The following GATAD2A variants were observed in gnomAD, a reference collection of about 807,000 sequenced individuals.
The protein encoded by GATAD2A is transcriptional repressor p66-alpha.
Under a neutral mutation model 68.5 loss-of-function variants are expected in GATAD2A, and 12 were observed. The ratio of observed to expected loss-of-function variants is 0.18; its 90% CI spans 0.11 to 0.28. The LOEUF (loss-of-function observed/expected upper bound fraction) is 0.28. Among genes scored for constraint, GATAD2A ranks in the 10% least tolerant of loss-of-function variants. The pLI is 1.00. For synonymous variants in GATAD2A, 410 were observed against 375.3 expected (o/e 1.09, Z -1.07); for missense variants, 755 against 868.5 (o/e 0.87, Z 1.64).
chr19:19,448,903 C>T (rs1055583330), intron 1 of GATAD2A, among the ~76,000 whole-genome samples: 6 of 152,034 alleles, frequency 3.9e-5, no homozygotes, highest in African/African-American at 1.5e-4. Flanking sequence ...CTCGTGTTAC[C>T]CGGAAGGGCC....
At chr19:19,491,069 A>G (rs2059761566) in intron 2 of GATAD2A, among the ~76,000 whole-genome samples, 1 of 152,244 alleles carries the variant, frequency 6.6e-6, no homozygotes, top group African/African-American at 2.4e-5. Flanking sequence ...CATACATCCT[A>G]GAGGATCGTT....
At chr19:19,454,380 C>G (rs1468829575) in intron 1 of GATAD2A, among the ~76,000 whole-genome samples, 1 of 151,374 alleles carries the variant, frequency 6.6e-6, no homozygotes, top group African/African-American at 2.4e-5. Flanking sequence ...GGTGGATCAC[C>G]TGAGCTCAGG....
At chr19:19,444,986 T>A (rs145949650) in intron 1 of GATAD2A, among the ~76,000 whole-genome samples, 1 of 152,176 alleles carries the variant, frequency 6.6e-6, no homozygotes, top group East Asian at 1.9e-4. Context: ...GTAACTCTTG[T>A]GATTCCAGCC....
intron 1 of GATAD2A, among the ~76,000 whole-genome samples, chr19:19,399,196 C>T (rs962016650): frequency 6.6e-6 from 1 of 152,158 alleles, no homozygotes; most frequent in Non-Finnish European, 1.5e-5. Context: ...CACACTCCAG[C>T]CTGGATGACA....
chr19:19,434,354 T>TG (rs904140531), intron 1 of GATAD2A, among the ~76,000 whole-genome samples: 1 of 152,122 alleles, frequency 6.6e-6, no homozygotes, highest in Non-Finnish European at 1.5e-5. Context: ...TCAGCTTGAA[T>TG]GGGGCTAAAA....
At chr19:19,390,525 T>C (rs116243414) in intron 1 of GATAD2A, among the ~76,000 whole-genome samples, 489 of 152,312 alleles carry the variant, frequency 3.2e-3, no homozygotes, top group African/African-American at 0.011. Flanking sequence ...TGTGTTCTGA[T>C]ACCAGATGTG....
chr19:19,492,241 C>T, intron 2 of GATAD2A, 65 bp from the exon 3 acceptor site: 1 of 1,525,574 alleles, frequency 6.6e-7, no homozygotes, highest in Non-Finnish European at 8.9e-7. Context: ...GCCATGTGTC[C>T]ACAGGGGTGG....
rs148844413 is a variant in GATAD2A at position 19,389,811 on chromosome 19, G to T, written c.-7+3673G>T. ...AGGGTCTCACTTTGTCACTCAGGCG[G>T]GAGTGCAGTGGTGCGATCTCGGCTC... On this transcript the variant is annotated intron_variant, in intron 1 of 11. Coordinates refer to the GATAD2A transcript ENST00000360315. 3.5e-3 allele frequency among the ~76,000 whole-genome samples: 530 copies of T among 152,250 alleles called. 5 individuals are homozygous for T. The highest frequency in any genetic ancestry group is 6.8e-3 in the Middle Eastern group (2 of 294).
intron 1 of GATAD2A, among the ~76,000 whole-genome samples, chr19:19,425,101 C>T (rs2052918067): frequency 6.6e-6 from 1 of 150,948 alleles, no homozygotes. Context: ...AGAAAACTTG[C>T]CATAAGAATA....
At chr19:19,482,590 A>G (rs2059132513) in intron 2 of GATAD2A, among the ~76,000 whole-genome samples, 1 of 152,050 alleles carries the variant, frequency 6.6e-6, no homozygotes, top group African/African-American at 2.4e-5. Context: ...TTAGGAAGTC[A>G]TGTGGCCCTC....
At chr19:19,488,519 G>A (rs968688688) in intron 2 of GATAD2A, among the ~76,000 whole-genome samples, 1 of 152,222 alleles carries the variant, frequency 6.6e-6, no homozygotes, top group Admixed American at 6.5e-5. Flanking sequence ...TATTAACCAC[G>A]TACTGGCCGC....
chr19:19,405,141 C>G (rs1312989974), upstream of GATAD2A, among the ~76,000 whole-genome samples: 1 of 152,006 alleles, frequency 6.6e-6, no homozygotes, highest in Non-Finnish European at 1.5e-5. Context: ...AGCAGTCGTC[C>G]CCAAGTGTCT....
chr19:19,406,579 C>T (rs1001122855), intron 1 of GATAD2A, among the ~76,000 whole-genome samples: 3 of 152,170 alleles, frequency 2.0e-5, no homozygotes, highest in Non-Finnish European at 2.9e-5. Context: ...GCCGCGGGAC[C>T]CTTTCCCCTC....
chr19:19,460,532 C>T (rs1290085731), intron 1 of GATAD2A, among the ~76,000 whole-genome samples: 1 of 152,176 alleles, frequency 6.6e-6, no homozygotes, highest in Non-Finnish European at 1.5e-5. Flanking sequence ...CTCCTGAGGA[C>T]AGTGGCTGCC....
intron 8 of GATAD2A, among the ~76,000 whole-genome samples, chr19:19,499,231 G>A (rs1323170034): frequency 1.3e-5 from 2 of 152,212 alleles, no homozygotes; most frequent in Admixed American, 6.5e-5. Context: ...AGACATCTAC[G>A]GGGTGATCAC....
intron 2 of GATAD2A, among the ~76,000 whole-genome samples, chr19:19,468,945 T>C (rs1310146014): frequency 6.6e-6 from 1 of 152,196 alleles, no homozygotes; most frequent in Non-Finnish European, 1.5e-5. Flanking sequence ...ATTTGTTGGG[T>C]TTATAATATC....
intron 2 of GATAD2A, among the ~76,000 whole-genome samples, chr19:19,485,733 G>A (rs1403993278): frequency 6.6e-6 from 1 of 152,170 alleles, no homozygotes; most frequent in Non-Finnish European, 1.5e-5. Flanking sequence ...CAGAGCCTCC[G>A]GCCTCCTCAG....
Position 19,496,090 on chromosome 19 carries a change from ACCG to A in GATAD2A, c.798_800del (p.Pro267del), listed in dbSNP as rs1568336822. 6.2e-7 allele frequency: 1 copy of A among 1,613,756 alleles called. No homozygotes were observed. The highest frequency in any genetic ancestry group is 1.3e-5 in the African/African-American group (1 of 75,014). Reference sequence around the variant, plus strand: ...TTAGGCAACATTCCAGCACAGGGCCACCGCCCCTCCTCCTGGCCCCCCGGGCGT... The same window carrying A: ...TTAGGCAACATTCCAGCACAGGGCCACCCCTCCTCCTGGCCCCCCGGGCGT... On this transcript the variant is annotated inframe_deletion, in exon 7 of 12. Transcript: ENST00000683918.
At chr19:19,389,644 C>T (rs1387175372) in intron 1 of GATAD2A, among the ~76,000 whole-genome samples, 1 of 152,138 alleles carries the variant, frequency 6.6e-6, no homozygotes, top group Non-Finnish European at 1.5e-5. Context: ...CCTGCCTCTT[C>T]CTGGTCAGCT....
Sources: allele counts gnomAD v4.1 joint callset (sites outside exome capture counted in the v4.1 genomes callset), GRCh38; gene constraint gnomAD v4.1.1; transcripts MANE v1.5; gene names NCBI Gene and HGNC (gene_info 2026-07-23, HGNC 2026-07-21).